Variants in CNTNAP2 observed in about 807,000 individuals in gnomAD.
The protein encoded by CNTNAP2 is contactin associated protein 2.
Under a neutral mutation model 155.2 loss-of-function variants are expected in CNTNAP2, and 98 were observed. The observed-to-expected ratio is 0.63, with a 90% CI of 0.54 to 0.75. CNTNAP2 has a LOEUF of 0.75. Ranked by LOEUF, CNTNAP2 falls within the 30% of genes least tolerant of loss-of-function variation. The probability of loss-of-function intolerance (pLI) is 0.00; values close to 1 mark genes in which losing one functional copy is unlikely to be tolerated. For missense variants in CNTNAP2, 1,727 were observed against 1,688.1 expected, an observed-to-expected ratio of 1.02 and a Z score of -0.40; for synonymous variants, 651 against 631.2, an observed-to-expected ratio of 1.03 and a Z score of -0.47.
At chr7:147,975,385 G>GGT (rs372683298) in intron 14 of CNTNAP2, among the ~76,000 whole-genome samples, 28 of 151,196 alleles carry the variant, frequency 1.9e-4, no homozygotes, top group Non-Finnish European at 2.7e-4. Context: ...GTTGTACAGG[G>GGT]GTGTGTGTGT....
chr7:147,196,995 A>T (rs1204625794), intron 8 of CNTNAP2, among the ~76,000 whole-genome samples: 1 of 152,142 alleles, frequency 6.6e-6, no homozygotes, highest in African/African-American at 2.4e-5. Context: ...GAACTAAATC[A>T]AAAGGAAAAC....
At chr7:147,541,969 A>G (rs1799648274) in intron 11 of CNTNAP2, among the ~76,000 whole-genome samples, 1 of 152,230 alleles carries the variant, frequency 6.6e-6, no homozygotes, top group Non-Finnish European at 1.5e-5. Context: ...CCAGTGGCAC[A>G]TCATCTCCTT....
At chr7:146,243,081 C>G (rs2116930234) in intron 1 of CNTNAP2, among the ~76,000 whole-genome samples, 1 of 151,172 alleles carries the variant, frequency 6.6e-6, no homozygotes, top group South Asian at 2.1e-4. Context: ...TAGTCTTCCT[C>G]CACCAAAGCT....
chr7:146,854,927 T>G (rs1184930785), intron 3 of CNTNAP2, among the ~76,000 whole-genome samples: 3 of 152,152 alleles, frequency 2.0e-5, no homozygotes, highest in Admixed American at 6.6e-5. Context: ...TTTATTAATC[T>G]TATTTTTGTA....
chr7:148,147,015 G>A (rs747605968), intron 16 of CNTNAP2, among the ~76,000 whole-genome samples: 7 of 152,124 alleles, frequency 4.6e-5, no homozygotes, highest in Non-Finnish European at 1.0e-4. Context: ...TCTGGACACA[G>A]GTGTTTCAAG....
intron 3 of CNTNAP2, among the ~76,000 whole-genome samples, chr7:146,907,103 A>T (rs1334163211): frequency 2.0e-5 from 3 of 152,002 alleles, no homozygotes; most frequent in Middle Eastern, 3.4e-3. Context: ...GTTTAGAGAA[A>T]AAAGAATAAA....
chr7:147,304,091 G>T (rs578100850), intron 9 of CNTNAP2, among the ~76,000 whole-genome samples: 1 of 152,262 alleles, frequency 6.6e-6, no homozygotes, highest in South Asian at 2.1e-4. Context: ...AGGCTGGGCC[G>T]TTTCACTCCA....
chr7:147,548,712 T>G (rs1799791015), intron 11 of CNTNAP2, among the ~76,000 whole-genome samples: 1 of 152,156 alleles, frequency 6.6e-6, no homozygotes, highest in Non-Finnish European at 1.5e-5. Flanking sequence ...ATTGCATAGG[T>G]TTTCTTCTAG....
chr7:146,863,746 T>C (rs1795148894), intron 3 of CNTNAP2, among the ~76,000 whole-genome samples: 1 of 152,126 alleles, frequency 6.6e-6, no homozygotes. Flanking sequence ...GAAGCTAGGC[T>C]ATTTAAGATT....
chr7:147,111,525 A>G (rs1800879467), intron 5 of CNTNAP2, among the ~76,000 whole-genome samples: 1 of 152,156 alleles, frequency 6.6e-6, no homozygotes, highest in Non-Finnish European at 1.5e-5. Flanking sequence ...TCTTTAATTC[A>G]TTTTGAATTG....
intron 15 of CNTNAP2, among the ~76,000 whole-genome samples, chr7:147,978,399 A>G (rs1398059839): frequency 6.6e-6 from 1 of 152,136 alleles, no homozygotes. Context: ...GGCTTAATGT[A>G]TCATTGTAAA....
intron 12 of CNTNAP2, among the ~76,000 whole-genome samples, chr7:147,562,642 G>C (rs1800087111): frequency 6.6e-6 from 1 of 152,178 alleles, no homozygotes; most frequent in Non-Finnish European, 1.5e-5. Context: ...GATCGTGACA[G>C]ACCTTCCTCG....
intron 8 of CNTNAP2, among the ~76,000 whole-genome samples, chr7:147,276,878 A>G (rs17170387): frequency 0.13 from 20,347 of 152,004 alleles, 1,489 homozygotes; most frequent in Middle Eastern, 0.2. Context: ...TTGGAATACA[A>G]TGTGCAATGC....
At chr7:147,283,165 T>C (rs1333953953) in intron 8 of CNTNAP2, among the ~76,000 whole-genome samples, 1 of 151,948 alleles carries the variant, frequency 6.6e-6, no homozygotes, top group East Asian at 1.9e-4. Flanking sequence ...CCCCATCTAA[T>C]GAGTTTTAAA....
intron 1 of CNTNAP2, among the ~76,000 whole-genome samples, chr7:146,122,068 C>T (rs1797571154): frequency 6.6e-6 from 1 of 152,108 alleles, no homozygotes; most frequent in East Asian, 1.9e-4. Context: ...AAGAAATGTC[C>T]GTCTATCACA....
chr7:146,141,527 A>G (rs1212313010), intron 1 of CNTNAP2, among the ~76,000 whole-genome samples: 1 of 152,170 alleles, frequency 6.6e-6, no homozygotes, highest in African/African-American at 2.4e-5. Flanking sequence ...TAACATTTGT[A>G]TATAAGTGTT....
At chr7:147,117,889 A>G (rs1342045724) in intron 5 of CNTNAP2, among the ~76,000 whole-genome samples, 1 of 152,188 alleles carries the variant, frequency 6.6e-6, no homozygotes, top group Non-Finnish European at 1.5e-5. Flanking sequence ...AAAGTCACAC[A>G]AAATTCGCCA....
intron 15 of CNTNAP2, among the ~76,000 whole-genome samples, chr7:148,041,616 A>G (rs1802677514): frequency 6.6e-6 from 1 of 152,234 alleles, no homozygotes; most frequent in Non-Finnish European, 1.5e-5. Context: ...TCTTTGTATC[A>G]CATTATAGCT....
rs575477737 is a variant in CNTNAP2, at chr7:148,380,534, A to G, written c.3476-3115A>G. On this transcript the variant is annotated intron_variant, in intron 21 of 23. Transcript: ENST00000361727. Reference sequence around the variant, plus strand: ...CTGAAAACCTCACTCTACCGTTTCTATGGGGTCCCTGACTAGAAATATCAA... The same window carrying G: ...CTGAAAACCTCACTCTACCGTTTCTGTGGGGTCCCTGACTAGAAATATCAA... Among the ~76,000 whole-genome samples, 5 of 152,312 alleles carry G rather than the reference A, an allele frequency of 3.3e-5. No individual in the cohort carries two copies. In the East Asian group the frequency reaches 7.7e-4, roughly 23 times the overall value.
Sources: gnomAD v4.1 joint callset for allele counts (sites outside exome capture counted in the v4.1 genomes callset) on GRCh38, gnomAD v4.1.1 for gene constraint, MANE v1.5 for transcripts, NCBI Gene and HGNC (gene_info 2026-07-23, HGNC 2026-07-21) for gene names.